SLC36A4: variants seen among roughly 807,000 people sequenced by gnomAD.
The protein encoded by SLC36A4 is neutral amino acid uniporter 4.
A neutral mutation model predicts 50.5 loss-of-function variants in SLC36A4; 49 were observed. The ratio of observed to expected loss-of-function variants is 0.97; its 90% CI spans 0.77 to 1.23. SLC36A4 has a LOEUF of 1.23. Ranked by LOEUF, SLC36A4 falls within the 50% of genes most tolerant of loss-of-function variation. SLC36A4 has a pLI of 0.00. For synonymous variants in SLC36A4, 207 were observed against 206.5 expected (o/e 1.00, Z -0.02); for missense variants, 611 against 608.4 (o/e 1.00, Z -0.05).
intron 1 of SLC36A4, among the ~76,000 whole-genome samples, chr11:93,194,124 G>T (rs1862325561): frequency 6.6e-6 from 1 of 151,952 alleles, no homozygotes. Context: ...GAAATAAGGG[G>T]AAGTAAATAT....
rs1261984960 is a variant in SLC36A4 at position 93,144,210 on chromosome 11, TACA to T, written c.*4324_*4326del. Reference sequence around the variant, plus strand: ...TATTTTATTGAAAATTCAGAAAAGTTACAACACTTTAAGACAGCGTTTTTCATA... The same window carrying T: ...TATTTTATTGAAAATTCAGAAAAGTTACACTTTAAGACAGCGTTTTTCATA... On this transcript the variant is annotated 3_prime_UTR_variant, in exon 11 of 11. Coordinates refer to ENST00000326402, the MANE Select transcript of SLC36A4 (RefSeq NM_152313.4). The T allele has an allele frequency of 1.3e-5, 2 of 152,088 alleles. No individual in the cohort carries two copies. Among genetic ancestry groups the T allele is most frequent in the Non-Finnish European group, 2.9e-5 (2 of 67,988 alleles). The allele number at this position is 152,088 out of a possible 1,614,324, so 9.4% of individuals were successfully genotyped here. A position where few individuals can be genotyped will look rare whatever the true frequency, so the allele number is the denominator to read the frequency against.
intron 8 of SLC36A4, 94 bp downstream of exon 8, chr11:93,165,819 TAAAAA>T: frequency 1.4e-6 from 1 of 710,916 alleles, no homozygotes; most frequent in South Asian, 3.0e-5. Flanking sequence ...AAAATTGAAA[TAAAAA>T]AGAAAAATAT....
At position 93,182,882 on chromosome 11, in the gene SLC36A4, T is replaced by G. The variant is rs1248524581; in HGVS notation, c.283A>C (p.Ser95Arg). The change falls in exon 4 of 11, where the codon AGC (serine) becomes CGC (arginine). Residue 95 changes from serine to arginine, a missense_variant. Transcript: ENST00000326402. ...GAAATAATTCCTATAAACACAAGGC[T>G]GATTGGTCCAAGCTGTGGGGAAAAA... is the stretch of plus-strand genomic sequence containing the variant. ...KNAGIVLGPI[S>R]LVFIGIISVH... The G allele has an allele frequency of 6.2e-7, 1 of 1,610,958 alleles. No homozygotes were observed. The highest frequency in any genetic ancestry group is 8.5e-7 in the Non-Finnish European group (1 of 1,178,648).
In SLC36A4 at chr11:93,166,914, A is replaced by G. The variant is rs550317101; in HGVS notation, c.769-898T>C. 2.6e-5 allele frequency: 4 copies of G among 152,342 alleles called. No homozygotes were observed. The East Asian group carries it at 7.7e-4, about 29-fold the overall frequency. The allele number at this position is 152,342 out of a possible 1,614,324, so 9.4% of individuals were successfully genotyped here. On this transcript the variant is annotated intron_variant, in intron 7 of 10. Transcript: ENST00000326402. ...ACTGGGTTTAGAATGAAAGGGTATT[A>G]CAATGTTTGGCTCATTCAATGCTAA...
chr11:93,184,412 T>A lies in SLC36A4; in HGVS notation c.270+18A>T. On this transcript the variant is annotated intron_variant, in intron 3 of 10. Coordinates refer to ENST00000326402, the MANE Select transcript of SLC36A4 (RefSeq NM_152313.4). ...TGAGAACTGCATCTTAACTGGTGAT[T>A]ACAAAGATAAGTCTTACCACTATGC... The A allele has an allele frequency of 4.7e-6, 7 of 1,498,528 alleles. No individual in the cohort carries two copies. Among genetic ancestry groups the A allele is most frequent in the Non-Finnish European group, 6.5e-6 (7 of 1,076,060 alleles). 92.8% of individuals were successfully genotyped at this position (1,498,528 alleles called of 1,614,324 possible).
At chr11:93,164,339 A>G (rs1860767373) in intron 8 of SLC36A4, among the ~76,000 whole-genome samples, 1 of 152,232 alleles carries the variant, frequency 6.6e-6, no homozygotes, top group African/African-American at 2.4e-5. Flanking sequence ...GGCTGACTGA[A>G]AAACCAAGTT....
intron 9 of SLC36A4, chr11:93,155,233 A>C (rs571805140): frequency 6.6e-6 from 1 of 152,254 alleles, no homozygotes; most frequent in African/African-American, 2.4e-5. Flanking sequence ...GCATTTTTTA[A>C]GTAACAAAGC....
intron 6 of SLC36A4, among the ~76,000 whole-genome samples, chr11:93,169,006 C>T (rs146898824): frequency 2.0e-4 from 31 of 152,116 alleles, no homozygotes; most frequent in African/African-American, 7.2e-4. Context: ...ATAGCAGATG[C>T]AGATAATACT....
chr11:93,157,449 TATG>T (rs1277922602), intron 9 of SLC36A4, among the ~76,000 whole-genome samples: 1 of 152,194 alleles, frequency 6.6e-6, no homozygotes, highest in African/African-American at 2.4e-5. Flanking sequence ...TGGCTATTTT[TATG>T]ATATTGATTC....
Position 93,174,238 on chromosome 11 carries a change from G to A in SLC36A4, c.541-6067C>T, listed in dbSNP as rs964338702. Among the ~76,000 whole-genome samples the A allele has an allele frequency of 9.7e-4, 132 of 136,292 alleles. 2 individuals carry two copies. Among genetic ancestry groups the A allele is most frequent in the African/African-American group, 3.2e-3 (122 of 38,100 alleles). 89.4% of individuals were successfully genotyped at this position (136,292 alleles called of 152,430 possible). On this transcript the variant is annotated intron_variant, in intron 6 of 10. Coordinates refer to ENST00000326402, the MANE Select transcript of SLC36A4 (RefSeq NM_152313.4). ...TGAATGGGAGTTCACTCATGATTTCGCTCTCTGTTTGTCTGTTGTTGGTGT... is the reference window on the plus strand; with the variant it reads ...TGAATGGGAGTTCACTCATGATTTCACTCTCTGTTTGTCTGTTGTTGGTGT...
rs1159178619 is a variant in SLC36A4, at chr11:93,145,828, A to G, written c.*2709T>C. The G allele has an allele frequency of 1.3e-5, 2 of 152,158 alleles. No individual in the cohort carries two copies. The highest frequency in any genetic ancestry group is 1.5e-5 in the Non-Finnish European group (1 of 68,004). The allele number at this position is 152,158 out of a possible 1,614,324, so 9.4% of individuals were successfully genotyped here. A position where few individuals can be genotyped will look rare whatever the true frequency, so the allele number is the denominator to read the frequency against. On this transcript the variant is annotated 3_prime_UTR_variant, in exon 11 of 11. Transcript: ENST00000326402. ...AAGCAAGAGCTGGTATAATCGAAAT[A>G]TCGTCTCCAAAATCTTTAGGAAATT...
At chr11:93,158,556 A>G (rs1171204266) in intron 9 of SLC36A4, among the ~76,000 whole-genome samples, 2 of 152,116 alleles carry the variant, frequency 1.3e-5, no homozygotes, top group African/African-American at 4.8e-5. Flanking sequence ...AATCAACAAA[A>G]GAATAGTTAT....
chr11:93,186,042 A>C (rs1165698296), intron 1 of SLC36A4, among the ~76,000 whole-genome samples: 2 of 152,208 alleles, frequency 1.3e-5, no homozygotes, highest in African/African-American at 4.8e-5. Flanking sequence ...TGAAAGCTTA[A>C]ATATTAAATG....
At chr11:93,196,448 GCTCCGCCTCC>G (rs1191895508) in intron 1 of SLC36A4, among the ~76,000 whole-genome samples, 1 of 152,040 alleles carries the variant, frequency 6.6e-6, no homozygotes, top group Non-Finnish European at 1.5e-5. Context: ...CTCACGGCAA[GCTCCGCCTCC>G]CGGGTTCACG....
intron 9 of SLC36A4, chr11:93,159,719 A>T: frequency 1.6e-6 from 1 of 631,618 alleles, no homozygotes; most frequent in Non-Finnish European, 2.0e-6. Flanking sequence ...CAATACATGT[A>T]CAGTATTACT....
At chr11:93,171,376 ACTAAAAT>A (rs1861125818) in intron 6 of SLC36A4, 1 of 152,026 alleles carries the variant, frequency 6.6e-6, no homozygotes, top group East Asian at 1.9e-4. Flanking sequence ...CACACTCACA[ACTAAAAT>A]CTGACAAGAC....
Position 93,154,119 on chromosome 11 carries a change from A to T in SLC36A4, c.1196T>A (p.Val399Asp). 1.3e-6 allele frequency: 2 copies of T among 1,508,222 alleles called. No homozygotes were observed. The highest frequency in any genetic ancestry group is 2.7e-5 in the South Asian group (2 of 73,074). 93.4% of individuals were successfully genotyped at this position (1,508,222 alleles called of 1,614,324 possible). A position where few individuals can be genotyped will look rare whatever the true frequency, so the allele number is the denominator to read the frequency against. The change falls in exon 10 of 11, where the codon GTT (valine) becomes GAT (aspartate). Residue 399 changes from valine to aspartate, a missense_variant. Physicochemically the swap from Val to Asp is radical, Grantham distance 152. Coordinates refer to ENST00000326402, the MANE Select transcript of SLC36A4 (RefSeq NM_152313.4). ...ICEFGIRSFLVSITCAGAILI... is the reference protein window; with the variant it reads ...ICEFGIRSFLDSITCAGAILI... ...ATAATGATACTTACAAGTAATACTA[A>T]CCAAGAAGGATCTTATCCCAAATTC...
At chr11:93,190,394 A>G (rs1862166778) in intron 1 of SLC36A4, among the ~76,000 whole-genome samples, 1 of 152,212 alleles carries the variant, frequency 6.6e-6, no homozygotes, top group Admixed American at 6.5e-5. Context: ...ACACACACAA[A>G]AAAAGGATAA....
chr11:93,157,979 A>C (rs1860442049), intron 9 of SLC36A4, among the ~76,000 whole-genome samples: 1 of 152,198 alleles, frequency 6.6e-6, no homozygotes, highest in African/African-American at 2.4e-5. Flanking sequence ...GAAGAGATTC[A>C]ATAGTATTCT....
Sources: gnomAD v4.1 joint callset for allele counts (sites outside exome capture counted in the v4.1 genomes callset) on GRCh38, gnomAD v4.1.1 for gene constraint, MANE v1.5 for transcripts, NCBI Gene and HGNC (gene_info 2026-07-23, HGNC 2026-07-21) for gene names.